OIP5: variants seen among roughly 807,000 people sequenced by gnomAD.
The protein encoded by OIP5 is protein Mis18-beta.
OIP5 carries 24 observed loss-of-function variants against 20.3 expected under a neutral mutation model. The ratio of observed to expected loss-of-function variants is 1.18; its 90% CI spans 0.86 to 1.66. The LOEUF is 1.66. Ranked by LOEUF, OIP5 falls within the 40% of genes most tolerant of loss-of-function variation. OIP5 has a pLI of 0.00. For synonymous variants in OIP5, 143 were observed against 121.3 expected (o/e 1.18, Z -1.17); for missense variants, 339 against 289.5 (o/e 1.17, Z -1.24).
At chr15:41,321,686 G>A (rs1051274035) in intron 2 of OIP5, among the ~76,000 whole-genome samples, 7 of 151,800 alleles carry the variant, frequency 4.6e-5, no homozygotes, top group East Asian at 1.9e-4. Context: ...GATTAAGGGC[G>A]GTGCAAGATG....
intron 2 of OIP5, among the ~76,000 whole-genome samples, chr15:41,322,992 T>C (rs1208879052): frequency 3.3e-5 from 5 of 151,844 alleles, no homozygotes; most frequent in Non-Finnish European, 5.9e-5. Flanking sequence ...CAGTGGATAC[T>C]AAAAAAGAAC....
chr15:41,312,738 C>T (rs111877725), intron 4 of OIP5, among the ~76,000 whole-genome samples: 3,559 of 151,728 alleles, frequency 0.023, 57 homozygotes, highest in Middle Eastern at 0.061. Context: ...AAGCAATTCT[C>T]CTGCCTCTGC....
rs1441279453 is a variant in OIP5 at position 41,321,520 on chromosome 15, C to T, written c.390-1740G>A. ...GGGAAAAGATTGAGAAATCGGATGG[C>T]TGCTGTGTCTGTGTAGAAAGAAGTA... On this transcript the variant is annotated intron_variant, in intron 2 of 4. Coordinates refer to ENST00000220514, the MANE Select transcript of OIP5 (RefSeq NM_007280.2). Among the ~76,000 whole-genome samples, 224 of 152,306 alleles carry T rather than the reference C, an allele frequency of 1.5e-3. 1 individual carries two copies. Among genetic ancestry groups the T allele is most frequent in the African/African-American group, 5.1e-3 (214 of 41,560 alleles).
rs2047739548 is a variant in OIP5 at position 41,309,304 on chromosome 15, A to G, written c.*450T>C. On this transcript the variant is annotated 3_prime_UTR_variant, in exon 5 of 5. Transcript: ENST00000220514. The stretch of plus-strand genomic sequence containing the variant: ...TCAGGCAATTTATTAAACATTACCT[A>G]TAGAATATTATGATCTGTATTTTAC... 1.3e-5 allele frequency: 2 copies of G among 152,520 alleles called. No individual in the cohort carries two copies. Among genetic ancestry groups the G allele is most frequent in the Admixed American group, 6.5e-5 (1 of 15,308 alleles). 9.4% of individuals were successfully genotyped at this position (152,520 alleles called of 1,614,324 possible). A position where few individuals can be genotyped will look rare whatever the true frequency, so the allele number is the denominator to read the frequency against.
At chr15:41,329,677 CAT>C (rs1287998968) in intron 2 of OIP5, among the ~76,000 whole-genome samples, 5 of 151,624 alleles carry the variant, frequency 3.3e-5, no homozygotes, top group Non-Finnish European at 2.9e-5. Flanking sequence ...ATGTGAGTCA[CAT>C]ATGTAATTTT....
intron 3 of OIP5, among the ~76,000 whole-genome samples, chr15:41,316,904 G>T (rs1023203195): frequency 6.6e-6 from 1 of 151,814 alleles, no homozygotes; most frequent in East Asian, 1.9e-4. Flanking sequence ...ACCTCTTTGA[G>T]CCCTAGTTTT....
intron 3 of OIP5, among the ~76,000 whole-genome samples, chr15:41,319,437 G>A (rs546158476): frequency 8.6e-4 from 130 of 151,778 alleles, no homozygotes; most frequent in African/African-American, 2.9e-3. Flanking sequence ...TGTATTTTTC[G>A]TAGAGATGGG....
intron 2 of OIP5, among the ~76,000 whole-genome samples, chr15:41,324,636 TGC>T (rs1212485052): frequency 2.0e-5 from 3 of 152,080 alleles, no homozygotes. Context: ...ATTACAGGTG[TGC>T]GCCACCATGC....
intron 3 of OIP5, among the ~76,000 whole-genome samples, chr15:41,315,406 G>A (rs1190555935): frequency 6.6e-6 from 1 of 150,422 alleles, no homozygotes; most frequent in Non-Finnish European, 1.5e-5. Context: ...TCCAACTTGG[G>A]TGACAGAGCA....
intron 2 of OIP5, among the ~76,000 whole-genome samples, chr15:41,326,274 G>A (rs1055633075): frequency 1.3e-5 from 2 of 152,186 alleles, no homozygotes; most frequent in South Asian, 2.1e-4. Flanking sequence ...TTCAGATAGT[G>A]AGATTAATGA....
At chr15:41,320,932 G>T (rs2047819689) in intron 2 of OIP5, among the ~76,000 whole-genome samples, 1 of 150,922 alleles carries the variant, frequency 6.6e-6, no homozygotes, top group Admixed American at 6.6e-5. Context: ...CCTCTGCCCT[G>T]CCGCCCCGTC....
chr15:41,323,985 CT>C (rs869073906), intron 2 of OIP5, among the ~76,000 whole-genome samples: 2,914 of 107,014 alleles, frequency 0.027, 92 homozygotes, highest in African/African-American at 0.1. Context: ...CCAACCTCTG[CT>C]TTTTTTTTTT....
chr15:41,314,737 T>C (rs1330265812), intron 3 of OIP5, among the ~76,000 whole-genome samples: 1 of 151,342 alleles, frequency 6.6e-6, no homozygotes, highest in Non-Finnish European at 1.5e-5. Flanking sequence ...GTTCAAGCAA[T>C]TCTTCTGCCT....
Position 41,309,817 on chromosome 15 carries a change from GC to G in OIP5, c.626del (p.Arg209ProfsTer2). 1 of 1,613,808 alleles carries G rather than the reference GC, an allele frequency of 6.2e-7. No individual in the cohort carries two copies. The highest frequency in any genetic ancestry group is 8.5e-7 in the Non-Finnish European group (1 of 1,179,726). On this transcript the variant is annotated frameshift_variant, in exon 5 of 5. Coordinates refer to ENST00000220514, the MANE Select transcript of OIP5 (RefSeq NM_007280.2). LOFTEE classifies it high-confidence loss of function. ...LKEKIVLTHN[R>X]LKSLMKILSE... ...TCAGAATCTTCATTAGTGATTTTAAGCGATTGTGCGTTAGCACTATCTTCTC... is the reference window on the plus strand; with the variant it reads ...TCAGAATCTTCATTAGTGATTTTAAGGATTGTGCGTTAGCACTATCTTCTC...
Position 41,309,520 on chromosome 15 carries a change from A to G in OIP5, c.*234T>C, listed in dbSNP as rs1051892154. On this transcript the variant is annotated 3_prime_UTR_variant, in exon 5 of 5. Transcript: ENST00000220514. ...TTCAGAGATAAGTATTATGAATTCAATAAGAATCTAAAGTAAGTTCTTAAG... is the reference window on the plus strand; with the variant it reads ...TTCAGAGATAAGTATTATGAATTCAGTAAGAATCTAAAGTAAGTTCTTAAG... 3.1e-5 allele frequency: 11 copies of G among 357,252 alleles called. No homozygotes were observed. Among genetic ancestry groups the G allele is most frequent in the African/African-American group, 8.5e-5 (4 of 46,876 alleles). 22.1% of individuals were successfully genotyped at this position (357,252 alleles called of 1,614,324 possible).
At position 41,313,255 on chromosome 15, in the gene OIP5, A is replaced by G. The variant is rs376810373; in HGVS notation, c.594+18T>C. 4.7e-6 allele frequency: 7 copies of G among 1,476,526 alleles called. No individual in the cohort carries two copies. In the African/African-American group the frequency reaches 8.3e-5, roughly 18 times the overall value. The allele number at this position is 1,476,526 out of a possible 1,614,324, so 91.5% of individuals were successfully genotyped here. ...TGTCTGTATTTTAAAAAAGCATACA[A>G]CCATCATGAAATTTTACCTCTGCAA... On this transcript the variant is annotated intron_variant, in intron 4 of 4. Transcript: ENST00000220514.
At chr15:41,321,239 G>A (rs533755518) in intron 2 of OIP5, among the ~76,000 whole-genome samples, 106 of 148,984 alleles carry the variant, frequency 7.1e-4, no homozygotes, top group African/African-American at 2.4e-3. Context: ...CGCCCCGTCC[G>A]GGAGGGAGGT....
intron 3 of OIP5, among the ~76,000 whole-genome samples, chr15:41,315,116 A>AG (rs2047781790): frequency 6.6e-6 from 1 of 150,786 alleles, no homozygotes; most frequent in Non-Finnish European, 1.5e-5. Flanking sequence ...AAAAAAAAAA[A>AG]GAATAAAAAA....
At chr15:41,321,952 A>T (rs184073614) in intron 2 of OIP5, among the ~76,000 whole-genome samples, 19 of 151,084 alleles carry the variant, frequency 1.3e-4, no homozygotes, top group East Asian at 3.9e-4. Flanking sequence ...AATAAATAAA[A>T]AAGAAAAAAA....
Sources: allele counts gnomAD v4.1 joint callset (sites outside exome capture counted in the v4.1 genomes callset), GRCh38; gene constraint gnomAD v4.1.1; transcripts MANE v1.5; gene names NCBI Gene and HGNC (gene_info 2026-07-23, HGNC 2026-07-21).